The following TIMP3 variants were observed in gnomAD, a reference collection of about 807,000 sequenced individuals.
TIMP3 encodes the protein metalloproteinase inhibitor 3.
A neutral mutation model predicts 30.0 loss-of-function variants in TIMP3; 11 were observed. That is an observed-to-expected ratio of 0.37 (90% CI 0.23 to 0.61). The LOEUF (loss-of-function observed/expected upper bound fraction) is 0.61. TIMP3 is among the 20% of genes least tolerant of loss of function. TIMP3 has a pLI of 0.70. For synonymous variants in TIMP3, 112 were observed against 111.3 expected (o/e 1.01, Z -0.04); for missense variants, 181 against 276.8 (o/e 0.65, Z 2.45).
chr22:32,808,913 C>T (rs1286078377), intron 1 of TIMP3, among the ~76,000 whole-genome samples: 3 of 152,220 alleles, frequency 2.0e-5, no homozygotes, highest in Non-Finnish European at 2.9e-5. Flanking sequence ...ATAAACCTAA[C>T]CCACTTTAGA....
At chr22:32,820,566 C>G (rs555993158) in intron 1 of TIMP3, among the ~76,000 whole-genome samples, 12 of 152,238 alleles carry the variant, frequency 7.9e-5, no homozygotes, top group Admixed American at 5.9e-4. Flanking sequence ...TAGGGTCAGG[C>G]TGAGATTTGT....
At chr22:32,830,655 G>A (rs1464595034) in intron 1 of TIMP3, among the ~76,000 whole-genome samples, 1 of 152,048 alleles carries the variant, frequency 6.6e-6, no homozygotes, top group Non-Finnish European at 1.5e-5. Flanking sequence ...GGGATCCACA[G>A]GGCCACCCCC....
chr22:32,857,423 G>C (rs1181397961), intron 3 of TIMP3, 63 bp downstream of exon 3: 1 of 1,235,696 alleles, frequency 8.1e-7, no homozygotes, highest in Non-Finnish European at 1.2e-6. Flanking sequence ...CTTGACTTCA[G>C]AAGAACACAT....
rs4821106 is a variant in TIMP3 at position 32,827,869 on chromosome 22, C to T, written c.122-21583C>T. Among the ~76,000 whole-genome samples the T allele has an allele frequency of 2.6e-3, 394 of 152,326 alleles. 10 individuals are homozygous for T. The highest frequency in any genetic ancestry group is 0.02 in the Admixed American group (304 of 15,304). On this transcript the variant is annotated intron_variant, in intron 1 of 4. Coordinates refer to ENST00000266085, the MANE Select transcript of TIMP3 (RefSeq NM_000362.5). ...GCTGTCCTCTCTTCCAGGAACACCT[C>T]ATCCCCCAGATACTCACTGGCTGGC... is the stretch of plus-strand genomic sequence containing the variant.
chr22:32,852,271 G>A (rs1259703012), intron 2 of TIMP3, among the ~76,000 whole-genome samples: 1 of 152,196 alleles, frequency 6.6e-6, no homozygotes, highest in East Asian at 1.9e-4. Context: ...ACAGTATGGA[G>A]CAGCAGGCTG....
intron 1 of TIMP3, among the ~76,000 whole-genome samples, chr22:32,819,154 G>A (rs1244121843): frequency 1.3e-5 from 2 of 152,258 alleles, no homozygotes; most frequent in Admixed American, 1.3e-4. Flanking sequence ...TTCCACTAGG[G>A]AGTGAGGTAG....
intron 1 of TIMP3, among the ~76,000 whole-genome samples, chr22:32,819,924 C>T (rs979443455): frequency 5.9e-5 from 9 of 152,204 alleles, no homozygotes; most frequent in African/African-American, 2.2e-4. Context: ...TTCTCGCAAC[C>T]ATAGTTTTCT....
At position 32,809,557 on chromosome 22, in the gene TIMP3, C is replaced by T. The variant is rs553918787; in HGVS notation, c.121+7435C>T. 6.2e-4 allele frequency among the ~76,000 whole-genome samples: 95 copies of T among 152,256 alleles called. 1 individual carries two copies. Among genetic ancestry groups the T allele is most frequent in the African/African-American group, 2.2e-3 (93 of 41,542 alleles). On this transcript the variant is annotated intron_variant, in intron 1 of 4. Coordinates refer to ENST00000266085, the MANE Select transcript of TIMP3 (RefSeq NM_000362.5). ...AATTTTTTAAAATTAATTTTTCCCTCCAATAAGTTCTGTGTTTGGAACAGT... is the reference window on the plus strand; with the variant it reads ...AATTTTTTAAAATTAATTTTTCCCTTCAATAAGTTCTGTGTTTGGAACAGT...
At chr22:32,856,883 G>C (rs2048383695) in intron 2 of TIMP3, among the ~76,000 whole-genome samples, 1 of 152,084 alleles carries the variant, frequency 6.6e-6, no homozygotes, top group African/African-American at 2.4e-5. Context: ...TACTTTCTTA[G>C]CTCCCACATG....
rs2046996632 is a variant in TIMP3 at position 32,814,139 on chromosome 22, TGTGAGAGA to T, written c.121+12019_121+12026del. Among the ~76,000 whole-genome samples the T allele has an allele frequency of 7.7e-5, 7 of 90,514 alleles. No homozygotes were observed. The South Asian group carries it at 2.6e-3, about 33-fold the overall frequency. 59.4% of individuals were successfully genotyped at this position (90,514 alleles called of 152,430 possible). A position where few individuals can be genotyped will look rare whatever the true frequency, so the allele number is the denominator to read the frequency against. On this transcript the variant is annotated intron_variant, in intron 1 of 4. Coordinates refer to ENST00000266085, the MANE Select transcript of TIMP3 (RefSeq NM_000362.5). ...GTGTGTGTGTGTGTGTGTGTGTGTG[TGTGAGAGA>T]GAGAGAGAGAGAGAGAGAGAAAGAG...
At chr22:32,818,185 A>G (rs528542453) in intron 1 of TIMP3, among the ~76,000 whole-genome samples, 1 of 152,314 alleles carries the variant, frequency 6.6e-6, no homozygotes, top group East Asian at 1.9e-4. Flanking sequence ...GTGGCTGCTC[A>G]GAGCGTTTTG....
intron 1 of TIMP3, among the ~76,000 whole-genome samples, chr22:32,827,997 C>T (rs1258083540): frequency 1.3e-5 from 2 of 152,186 alleles, no homozygotes; most frequent in Non-Finnish European, 2.9e-5. Context: ...TCCCCTTTGC[C>T]TCCTAGCACC....
At chr22:32,828,983 T>C (rs1171140321) in intron 1 of TIMP3, among the ~76,000 whole-genome samples, 2 of 152,132 alleles carry the variant, frequency 1.3e-5, no homozygotes, top group Non-Finnish European at 2.9e-5. Flanking sequence ...ACCTCCCCAC[T>C]GCCCCAGGAG....
intron 1 of TIMP3, among the ~76,000 whole-genome samples, chr22:32,813,600 T>G (rs1448640221): frequency 6.6e-6 from 1 of 151,872 alleles, no homozygotes; most frequent in Admixed American, 6.6e-5. Context: ...TTTTGTGATC[T>G]GGAATCCATT....
intron 1 of TIMP3, among the ~76,000 whole-genome samples, chr22:32,842,046 TA>T (rs766896641): frequency 2.6e-5 from 4 of 152,026 alleles, no homozygotes; most frequent in South Asian, 2.1e-4. Context: ...TTGGAGAGGT[TA>T]GGGGGGAGGC....
intron 1 of TIMP3, among the ~76,000 whole-genome samples, chr22:32,815,983 A>G (rs2047079393): frequency 6.6e-6 from 1 of 152,116 alleles, no homozygotes; most frequent in African/African-American, 2.4e-5. Flanking sequence ...CTGTGCCACT[A>G]GTAAGGAACA....
In TIMP3 at chr22:32,859,426, C is replaced by T. The variant is rs774796749; in HGVS notation, c.*49C>T. The T allele has an allele frequency of 3.2e-6, 5 of 1,574,346 alleles. No individual in the cohort carries two copies. The South Asian group carries it at 3.4e-5, about 11-fold the overall frequency. On this transcript the variant is annotated 3_prime_UTR_variant, in exon 5 of 5. Coordinates refer to ENST00000266085, the MANE Select transcript of TIMP3 (RefSeq NM_000362.5). ...CTTCCCTCCCTTCCCGCTGAGCTTC[C>T]CTTGGACACTAACTCTTCCCAGATG...
intron 2 of TIMP3, among the ~76,000 whole-genome samples, chr22:32,856,788 CCATTA>C (rs1268189730): frequency 6.6e-6 from 1 of 152,056 alleles, no homozygotes; most frequent in Admixed American, 6.5e-5. Flanking sequence ...ATTTTTGTAC[CCATTA>C]ATTATATCTC....
chr22:32,801,798 C>A lies in TIMP3; in HGVS notation c.-204C>A. ...TGCTCCTTCGCCGGGAGGCCGCCCG[C>A]CGAGTCCTGCGCCAGCGCCGAGGCA... On this transcript the variant is annotated 5_prime_UTR_variant, in exon 1 of 5. Coordinates refer to ENST00000266085, the MANE Select transcript of TIMP3 (RefSeq NM_000362.5). The surrounding 1 kb of genome is among the most constrained non-coding windows in gnomAD (Gnocchi z 4.7). 2.2e-6 allele frequency: 1 copy of A among 447,396 alleles called. No individual in the cohort carries two copies. Among genetic ancestry groups the A allele is most frequent in the Non-Finnish European group, 3.3e-6 (1 of 305,136 alleles). The allele number at this position is 447,396 out of a possible 1,614,324, so 27.7% of individuals were successfully genotyped here. A position where few individuals can be genotyped will look rare whatever the true frequency, so the allele number is the denominator to read the frequency against.
Sources: allele counts gnomAD v4.1 joint callset (sites outside exome capture counted in the v4.1 genomes callset), GRCh38; gene constraint gnomAD v4.1.1; non-coding constraint Gnocchi (gnomAD v3.1); transcripts MANE v1.5; gene names NCBI Gene and HGNC (gene_info 2026-07-23, HGNC 2026-07-21).